Variants in PIEZO1 observed in about 807,000 individuals in gnomAD.
PIEZO1 encodes the protein piezo-type mechanosensitive ion channel component 1.
PIEZO1 carries 296 observed loss-of-function variants against 297.2 expected under a neutral mutation model. The observed-to-expected ratio is 1.00, with a 90% CI of 0.91 to 1.10. PIEZO1 has a LOEUF of 1.10. Ranked by LOEUF, PIEZO1 falls within the 50% of genes least tolerant of loss-of-function variation. PIEZO1 has a pLI of 0.00. For synonymous variants in PIEZO1, 2,427 were observed against 1,507.5 expected, an observed-to-expected ratio of 1.61 and a Z score of -14.13; for missense variants, 5,018 against 3,455.5, an observed-to-expected ratio of 1.45 and a Z score of -11.34.
Position 88,732,632 on chromosome 16 carries a change from C to A in PIEZO1, c.2765G>T (p.Gly922Val), listed in dbSNP as rs575773932. ...DPANWFGVRK[G>V]FPNLGYIQNH... ...CTGGATGTAGCCCAGGTTGGGGAAC[C>A]CTTTCCGCACCCCAAACCAGTTGGC... The change falls in exon 20 of 51, where the codon GGG (glycine) becomes GTG (valine). Residue 922 changes from glycine to valine, a missense_variant. Transcript: ENST00000301015. 2.6e-6 allele frequency: 4 copies of A among 1,549,562 alleles called. No homozygotes were observed. Among genetic ancestry groups the A allele is most frequent in the South Asian group, 1.2e-5 (1 of 83,992 alleles).
At chr16:88,758,821 A>C (rs1906793606) in intron 1 of PIEZO1, among the ~76,000 whole-genome samples, 1 of 152,262 alleles carries the variant, frequency 6.6e-6, no homozygotes, top group African/African-American at 2.4e-5. Flanking sequence ...TGTCGCAGAG[A>C]CAACAGTGCC....
Position 88,736,750 on chromosome 16 carries a change from G to C in PIEZO1, c.1196-11C>G. 6.7e-7 allele frequency: 1 copy of C among 1,500,780 alleles called. No homozygotes were observed. Among genetic ancestry groups the C allele is most frequent in the Non-Finnish European group, 8.9e-7 (1 of 1,122,372 alleles). The allele number at this position is 1,500,780 out of a possible 1,614,324, so 93.0% of individuals were successfully genotyped here. On this transcript the variant is annotated splice_polypyrimidine_tract_variant and intron_variant, in intron 10 of 50. Coordinates refer to ENST00000301015, the MANE Select transcript of PIEZO1 (RefSeq NM_001142864.4). ...CCCGCTTGGGCCGCACTGCAGGTGG[G>C]GACAGCGGTCAGCTTCGGCAGGTTG...
intron 5 of PIEZO1, chr16:88,738,987 C>T (rs1905452232): frequency 1.8e-6 from 1 of 567,576 alleles, no homozygotes. Flanking sequence ...GGCCGAAGAC[C>T]CAGGGTCTGT....
At chr16:88,742,623 G>A (rs1905760728) in intron 2 of PIEZO1, 1 of 572,844 alleles carries the variant, frequency 1.7e-6, no homozygotes, top group Admixed American at 3.4e-5. Context: ...GTCACAAGGA[G>A]CCGGGCATCC....
At position 88,726,358 on chromosome 16, in the gene PIEZO1, C is replaced by T. The variant is rs1367748735; in HGVS notation, c.3894G>A (p.Gln1298=). The T allele has an allele frequency of 6.5e-7, 1 of 1,550,286 alleles. No individual in the cohort carries two copies. Among genetic ancestry groups the T allele is most frequent in the Non-Finnish European group, 8.7e-7 (1 of 1,146,940 alleles). Residue 1298 remains glutamine (Q), a synonymous_variant, in exon 27 of 51, where the codon CAG becomes CAA. Transcript: ENST00000301015. The part of the protein sequence containing the change: ...DSVCFFFLLL[Q]RRVFLSHYYL... ...AGTAATGGCTAAGGAAGACGCGGCG[C>T]TGCAGCAGCAGGAAGAAGAAGCAGA...
chr16:88,721,671 T>G lies in PIEZO1; in HGVS notation c.5270A>C (p.His1757Pro). ...FQFGFFPWNSHVVLRRYENKP... is the reference protein window; with the variant it reads ...FQFGFFPWNSPVVLRRYENKP... ...GTTCTCGTAGCGCCGCAGCACCACG[T>G]GGCTGTTCCAGGGGAAGAACCCAAA... The change falls in exon 38 of 51, where the codon CAC becomes CCC. Residue 1757 changes from histidine to proline, a missense_variant. Transcript: ENST00000301015. 1 of 1,549,722 alleles carries G rather than the reference T, an allele frequency of 6.5e-7. No individual in the cohort carries two copies. The highest frequency in any genetic ancestry group is 8.7e-7 in the Non-Finnish European group (1 of 1,146,772).
At chr16:88,750,768 G>A (rs894253960) in intron 1 of PIEZO1, among the ~76,000 whole-genome samples, 3 of 152,188 alleles carry the variant, frequency 2.0e-5, no homozygotes, top group Admixed American at 6.5e-5. Context: ...CAGCCTTTCC[G>A]GGGCTACCAG....
intron 1 of PIEZO1, among the ~76,000 whole-genome samples, chr16:88,772,902 G>C (rs1030659639): frequency 1.3e-5 from 2 of 152,174 alleles, no homozygotes; most frequent in African/African-American, 2.4e-5. Flanking sequence ...CCGCAGGCTG[G>C]GGTGGGCCAT....
intron 31 of PIEZO1, among the ~76,000 whole-genome samples, chr16:88,723,605 G>A (rs763821887): frequency 6.6e-5 from 10 of 152,248 alleles, no homozygotes; most frequent in African/African-American, 2.4e-4. Context: ...GTGTTGGGCC[G>A]GTCTCACAGG....
intron 30 of PIEZO1, among the ~76,000 whole-genome samples, chr16:88,724,263 G>T (rs1567664186): frequency 6.6e-6 from 1 of 152,274 alleles, no homozygotes; most frequent in East Asian, 1.9e-4. Flanking sequence ...GGGCACGGTG[G>T]CTGACGCCTG....
chr16:88,775,108 G>A (rs753891744), intron 1 of PIEZO1, among the ~76,000 whole-genome samples: 3 of 152,200 alleles, frequency 2.0e-5, no homozygotes, highest in South Asian at 2.1e-4. Context: ...AGGACGTAAC[G>A]GAGTGAGGGG....
chr16:88,717,577 A>G (rs1393661158), intron 44 of PIEZO1: 2 of 478,422 alleles, frequency 4.2e-6, no homozygotes, highest in South Asian at 1.5e-5. Context: ...AGCTAAAACT[A>G]TAGAACTTTT....
In PIEZO1 at chr16:88,721,735, G is replaced by T; in HGVS notation, c.5215-9C>A. 6.5e-7 allele frequency: 1 copy of T among 1,537,964 alleles called. No homozygotes were observed. Among genetic ancestry groups the T allele is most frequent in the South Asian group, 1.2e-5 (1 of 83,364 alleles). On this transcript the variant is annotated splice_polypyrimidine_tract_variant and intron_variant, in intron 37 of 50. Transcript: ENST00000301015. ...TTGACGACCACCGCGATCTGTGGGG[G>T]AGGGGGCTCAGCACGCGGGGAGGGT...
intron 1 of PIEZO1, among the ~76,000 whole-genome samples, chr16:88,782,933 C>A (rs567663996): frequency 2.6e-5 from 4 of 152,188 alleles, no homozygotes; most frequent in African/African-American, 9.7e-5. Flanking sequence ...CCAGGCCCCA[C>A]GCCCCATCCC....
intron 2 of PIEZO1, chr16:88,743,051 C>CCTCT (rs749611865): frequency 2.3e-6 from 1 of 443,274 alleles, no homozygotes; most frequent in Non-Finnish European, 4.6e-6. Flanking sequence ...AGACCGGCAT[C>CCTCT]CTCTCTCTCT....
rs942117829 is a variant in PIEZO1, at chr16:88,723,100, G to T, written c.4490C>A (p.Ala1497Glu). 4 of 1,547,898 alleles carry T rather than the reference G, an allele frequency of 2.6e-6. No individual in the cohort carries two copies. The highest frequency in any genetic ancestry group is 4.9e-5 in the East Asian group (2 of 40,912). ...VEPAEGPEEAAAGRSHVVQRV... is the reference protein window; with the variant it reads ...VEPAEGPEEAEAGRSHVVQRV... ...CCAGCCCCGGGCCCACGTACCTGCC[G>T]CTGCCTCCTCGGGGCCCTCTGCTGG... The change falls in exon 33 of 51, where the codon GCG becomes GAG. Residue 1497 changes from alanine to glutamate, a missense_variant. Transcript: ENST00000301015.
intron 3 of PIEZO1, 86 bp downstream of exon 3, chr16:88,742,214 C>A: frequency 6.7e-7 from 1 of 1,484,548 alleles, no homozygotes; most frequent in Admixed American, 2.1e-5. Context: ...GCTGAGTCAA[C>A]CCCCCCAGGA....
rs1912460271 is a variant in PIEZO1, at chr16:88,721,622, G to A, written c.5319C>T (p.Ile1773=). ...AGCCGTCAGTCTTCTCCAGGCCCAG[G>A]ATGCGGGGCGGGAAGTAGGGCTTGT... ...YENKPYFPPR[I]LGLEKTDGYI... Residue 1773 remains isoleucine (I), a synonymous_variant, in exon 38 of 51, where the codon ATC becomes ATT. Coordinates refer to ENST00000301015, the MANE Select transcript of PIEZO1 (RefSeq NM_001142864.4). 3.2e-6 allele frequency: 5 copies of A among 1,550,228 alleles called. No homozygotes were observed. Among genetic ancestry groups the A allele is most frequent in the Non-Finnish European group, 4.4e-6 (5 of 1,146,870 alleles).
Position 88,731,796 on chromosome 16 carries a change from G to A in PIEZO1, c.3106C>T (p.Arg1036Cys), listed in dbSNP as rs775153962. Residue 1036 changes from arginine to cysteine, a missense_variant, in exon 22 of 51, where the codon CGC (arginine) becomes TGC (cysteine). By Grantham distance (180) the Arg-to-Cys change is radical (BLOSUM62 -3). Coordinates refer to ENST00000301015, the MANE Select transcript of PIEZO1 (RefSeq NM_001142864.4). The part of the protein sequence containing the change: ...LTRRHRQAIA[R>C]LWPNYCLFLA... Reference sequence around the variant, plus strand: ...AAGAGGCAGTAGTTGGGCCAGAGGCGGGCAATGGCCTGGCGGTGCCTGCGG... The same window carrying A: ...AAGAGGCAGTAGTTGGGCCAGAGGCAGGCAATGGCCTGGCGGTGCCTGCGG... 43 of 1,549,184 alleles carry A rather than the reference G, an allele frequency of 2.8e-5. No individual in the cohort carries two copies. The highest frequency in any genetic ancestry group is 1.7e-4 in the Middle Eastern group (1 of 5,990).
Sources: gnomAD v4.1 joint callset for allele counts (sites outside exome capture counted in the v4.1 genomes callset) on GRCh38, gnomAD v4.1.1 for gene constraint, MANE v1.5 for transcripts, NCBI Gene and HGNC (gene_info 2026-07-23, HGNC 2026-07-21) for gene names.